Variants in UNC13C observed in about 807,000 individuals in gnomAD.
UNC13C encodes unc-13 homolog C, also known as protein unc-13 homolog C.
In UNC13C, 174 loss-of-function variants were observed where a neutral mutation model predicts 245.4. The ratio of observed to expected loss-of-function variants is 0.71; its 90% CI spans 0.63 to 0.80. UNC13C has a LOEUF of 0.80. Ranked by LOEUF, UNC13C falls within the 30% of genes least tolerant of loss-of-function variation. The probability of loss-of-function intolerance (pLI) is 0.00; values close to 1 mark genes in which losing one functional copy is unlikely to be tolerated. For missense variants in UNC13C, 2,829 were observed against 2,602.9 expected, an observed-to-expected ratio of 1.09 and a Z score of -1.89; for synonymous variants, 992 against 895.1, an observed-to-expected ratio of 1.11 and a Z score of -1.93.
chr15:53,886,257 G>C, the UNC13C span, among the ~76,000 whole-genome samples: 1 of 152,142 alleles, frequency 6.6e-6, no homozygotes, highest in Admixed American at 6.5e-5. Context: ...AGAAATGACT[G>C]CTTCTAGGAC....
chr15:54,481,836 C>A (rs1226976177), intron 19 of UNC13C, among the ~76,000 whole-genome samples: 1 of 152,092 alleles, frequency 6.6e-6, no homozygotes. Flanking sequence ...CAGGATGGAC[C>A]AATCCCCAGG....
intron 13 of UNC13C, among the ~76,000 whole-genome samples, chr15:54,313,641 G>C (rs1052089882): frequency 6.6e-6 from 1 of 151,632 alleles, no homozygotes; most frequent in East Asian, 1.9e-4. Flanking sequence ...ACTGTATAAA[G>C]CTATAATACT....
At chr15:54,458,479 G>A (rs1376411609) in intron 19 of UNC13C, among the ~76,000 whole-genome samples, 1 of 151,828 alleles carries the variant, frequency 6.6e-6, no homozygotes, top group Non-Finnish European at 1.5e-5. Flanking sequence ...TGCTATCAGT[G>A]GAGTTGACAT....
At chr15:53,877,911 A>G in the UNC13C span, among the ~76,000 whole-genome samples, 31,056 of 152,176 alleles carry the variant, frequency 0.2, 3,585 homozygotes, top group Non-Finnish European at 0.26. Context: ...CTTGAGCTTC[A>G]TATAAATGGA....
intron 2 of UNC13C, among the ~76,000 whole-genome samples, chr15:54,136,268 G>C (rs192452860): frequency 3.8e-4 from 58 of 152,256 alleles, no homozygotes; most frequent in African/African-American, 1.3e-3. Context: ...CTCCTGAGTA[G>C]CTGGGGCTAT....
the UNC13C span, among the ~76,000 whole-genome samples, chr15:53,922,720 G>A: frequency 1.1e-4 from 17 of 152,284 alleles, no homozygotes; most frequent in East Asian, 3.3e-3. Flanking sequence ...CATCAACAGA[G>A]CATGCAATAT....
chr15:54,620,331 A>G (rs968945442), intron 30 of UNC13C, among the ~76,000 whole-genome samples: 1 of 152,218 alleles, frequency 6.6e-6, no homozygotes, highest in African/African-American at 2.4e-5. Context: ...GGAAAAACTT[A>G]CATTGTATAC....
chr15:53,965,528 CT>C, the UNC13C span, among the ~76,000 whole-genome samples: 18,837 of 146,744 alleles, frequency 0.13, 1,558 homozygotes, highest in East Asian at 0.31. Context: ...AGTGCACTTT[CT>C]TTTTTTTCCC....
chr15:53,846,307 A>G, the UNC13C span, among the ~76,000 whole-genome samples: 3 of 152,214 alleles, frequency 2.0e-5, no homozygotes, highest in Admixed American at 6.5e-5. Context: ...ACACATAACT[A>G]ATGAATCTAT....
chr15:54,325,577 C>A (rs889017328), intron 14 of UNC13C, among the ~76,000 whole-genome samples: 1 of 151,970 alleles, frequency 6.6e-6, no homozygotes, highest in South Asian at 2.1e-4. Context: ...CACCCCTCGA[C>A]AGGCCCCGGT....
chr15:54,032,643 C>T (rs963514743), intron 2 of UNC13C, among the ~76,000 whole-genome samples: 4 of 152,138 alleles, frequency 2.6e-5, no homozygotes, highest in African/African-American at 9.7e-5. Flanking sequence ...TCATTTAGGC[C>T]AATCCTGTCA....
intron 26 of UNC13C, among the ~76,000 whole-genome samples, chr15:54,537,736 A>G (rs1035406359): frequency 2.0e-5 from 3 of 151,320 alleles, no homozygotes; most frequent in African/African-American, 7.4e-5. Context: ...AGGAAGGGAA[A>G]GAACTTCCTA....
At chr15:54,593,896 A>T (rs543509270) in intron 30 of UNC13C, among the ~76,000 whole-genome samples, 2 of 152,032 alleles carry the variant, frequency 1.3e-5, no homozygotes, top group African/African-American at 4.8e-5. Flanking sequence ...GGGCATGTTG[A>T]CCAGTCTTGT....
chr15:54,434,915 C>T (rs998859315), intron 19 of UNC13C, among the ~76,000 whole-genome samples: 6 of 151,930 alleles, frequency 3.9e-5, no homozygotes. Flanking sequence ...AAAAAGTGGG[C>T]AATGGATATG....
chr15:54,384,737 A>T (rs1248650027), intron 17 of UNC13C, among the ~76,000 whole-genome samples: 1 of 152,128 alleles, frequency 6.6e-6, no homozygotes, highest in Non-Finnish European at 1.5e-5. Context: ...CTCTTGAACT[A>T]AAGAAAATAT....
At chr15:53,919,440 T>G in the UNC13C span, among the ~76,000 whole-genome samples, 1 of 152,142 alleles carries the variant, frequency 6.6e-6, no homozygotes, top group Non-Finnish European at 1.5e-5. Context: ...AGTAATGAAT[T>G]AACTTCCTAA....
intron 4 of UNC13C, among the ~76,000 whole-genome samples, chr15:54,180,783 T>C (rs1323835576): frequency 6.7e-6 from 1 of 149,450 alleles, no homozygotes; most frequent in Non-Finnish European, 1.5e-5. Context: ...TGTTGGACAC[T>C]GGTATGTCTT....
At chr15:54,110,280 C>CA (rs11343698) in intron 2 of UNC13C, among the ~76,000 whole-genome samples, 6 of 144,746 alleles carry the variant, frequency 4.1e-5, no homozygotes, top group African/African-American at 1.5e-4. Context: ...GACGCTGCCT[C>CA]AAAAAAAAAA....
the UNC13C span, among the ~76,000 whole-genome samples, chr15:53,917,897 GCA>G: frequency 6.6e-6 from 1 of 151,946 alleles, no homozygotes; most frequent in Non-Finnish European, 1.5e-5. Flanking sequence ...GTAACTTAAA[GCA>G]CAGTCACCTG....
Sources: gnomAD v4.1 joint callset for allele counts (sites outside exome capture counted in the v4.1 genomes callset) on GRCh38, gnomAD v4.1.1 for gene constraint, MANE v1.5 for transcripts, NCBI Gene and HGNC (gene_info 2026-07-23, HGNC 2026-07-21) for gene names.